The following LRP5 variants were observed in gnomAD, a reference collection of about 807,000 sequenced individuals.
LRP5 encodes the protein low-density lipoprotein receptor-related protein 5.
In LRP5, 62 loss-of-function variants were observed where a neutral mutation model predicts 154.1. That is an observed-to-expected ratio of 0.40 (90% CI 0.33 to 0.50). LRP5 has a LOEUF of 0.50. LRP5 is among the 20% of genes least tolerant of loss of function. LRP5 has a pLI of 0.55. For synonymous variants in LRP5, 966 were observed against 1,011.5 expected (o/e 0.96, Z 0.85); for missense variants, 1,915 against 2,336.7 (o/e 0.82, Z 3.72).
At chr11:68,428,150 A>T (rs1484081957) in intron 16 of LRP5, among the ~76,000 whole-genome samples, 2 of 151,256 alleles carry the variant, frequency 1.3e-5, no homozygotes, top group African/African-American at 2.4e-5. Context: ...CCACCACCAT[A>T]CCAGGCTAAT....
intron 11 of LRP5, among the ~76,000 whole-genome samples, chr11:68,412,151 G>T (rs1420430754): frequency 6.6e-6 from 1 of 152,128 alleles, no homozygotes; most frequent in Non-Finnish European, 1.5e-5. Context: ...TGAGGCTCAG[G>T]GAAGTTTGAA....
chr11:68,420,998 G>A (rs543666688), intron 13 of LRP5, among the ~76,000 whole-genome samples: 9 of 152,272 alleles, frequency 5.9e-5, no homozygotes, highest in South Asian at 2.1e-4. Context: ...AGGCCAGGGC[G>A]GGCGGATCAT....
intron 13 of LRP5, 83 bp downstream of exon 13, chr11:68,416,610 A>G: frequency 7.6e-7 from 1 of 1,315,020 alleles, no homozygotes; most frequent in East Asian, 2.4e-5. Context: ...CCCTGTCCTT[A>G]GCAGAGGGAG....
chr11:68,354,887 G>A (rs1221744788), intron 2 of LRP5, among the ~76,000 whole-genome samples: 1 of 152,234 alleles, frequency 6.6e-6, no homozygotes, highest in African/African-American at 2.4e-5. Context: ...ACTGTTTGGA[G>A]AGCTGTTCCA....
In LRP5 at chr11:68,386,695, A is replaced by G. The variant is rs200075657; in HGVS notation, c.1395A>G (p.Ala465=). 1.4e-5 allele frequency: 23 copies of G among 1,613,214 alleles called. No individual in the cohort carries two copies. In the African/African-American group the frequency reaches 2.7e-4, roughly 19 times the overall value. The change falls in exon 6 of 23, where the codon GCA becomes GCG. Residue 465 remains alanine, a synonymous_variant. Coordinates refer to ENST00000294304, the MANE Select transcript of LRP5 (RefSeq NM_002335.4). The surrounding 1 kb of genome is among the most constrained non-coding windows in gnomAD (Gnocchi z 7.9). ...SEDLDEPRAI[A]LHPVMGLMYW... ...ACCTGGACGAGCCCCGAGCCATCGC[A>G]CTGCACCCCGTGATGGGGTAAGACG...
At position 68,312,801 on chromosome 11, in the gene LRP5, C is replaced by A; in HGVS notation, c.87C>A (p.Ala29=). The A allele has an allele frequency of 9.3e-7, 1 of 1,075,976 alleles. No individual in the cohort carries two copies. Among genetic ancestry groups the A allele is most frequent in the South Asian group, 2.9e-5 (1 of 34,266 alleles). 66.7% of individuals were successfully genotyped at this position (1,075,976 alleles called of 1,614,324 possible). Residue 29 remains alanine, a synonymous_variant, in exon 1 of 23, where the codon GCC becomes GCA. Coordinates refer to ENST00000294304, the MANE Select transcript of LRP5 (RefSeq NM_002335.4). ...CGCTGTGCGGCTGCCCGGCCCCCGC[C>A]GCGGGTAGGTGGGCGCAGGCCGGCC... ...LLALCGCPAP[A]AASPLLLFAN...
At chr11:68,371,367 C>T (rs17149022) in intron 5 of LRP5, among the ~76,000 whole-genome samples, 24,009 of 152,140 alleles carry the variant, frequency 0.16, 6,087 homozygotes, top group African/African-American at 0.53. Context: ...AGCATTGAAG[C>T]TGGTGAGTCA....
rs749257270 is a variant in LRP5 at position 68,438,458 on chromosome 11, C to T, written c.4124C>T (p.Pro1375Leu). ...SDELMCEITK[P>L]PSDDSPAHSS... ...TTGTCTCTGGCAGAAATCACCAAGCCGCCCTCAGACGACAGCCCGGCCCAC... is the reference window on the plus strand; with the variant it reads ...TTGTCTCTGGCAGAAATCACCAAGCTGCCCTCAGACGACAGCCCGGCCCAC... Residue 1375 changes from proline to leucine, a missense_variant, in exon 20 of 23, where the codon CCG becomes CTG. Physicochemically the swap from Pro to Leu is moderately conservative, Grantham distance 98. Transcript: ENST00000294304. 9.3e-6 allele frequency: 15 copies of T among 1,614,006 alleles called. No homozygotes were observed. Among genetic ancestry groups the T allele is most frequent in the East Asian group, 4.5e-5 (2 of 44,900 alleles).
At chr11:68,318,347 C>CT (rs777922038) in intron 1 of LRP5, among the ~76,000 whole-genome samples, 7,025 of 127,726 alleles carry the variant, frequency 0.055, 542 homozygotes, top group African/African-American at 0.18. Context: ...ACCCGGCCTG[C>CT]TTTTTTTTTT....
At chr11:68,388,969 C>T (rs2098644551) in intron 6 of LRP5, among the ~76,000 whole-genome samples, 1 of 152,206 alleles carries the variant, frequency 6.6e-6, no homozygotes. Context: ...CCGACACCGA[C>T]ATTTACCGAC....
chr11:68,384,593 C>A (rs2098641976), intron 5 of LRP5, among the ~76,000 whole-genome samples: 1 of 152,178 alleles, frequency 6.6e-6, no homozygotes, highest in Non-Finnish European at 1.5e-5. Flanking sequence ...TATGGGGCAC[C>A]CTGGGGGCCC....
At chr11:68,432,857 G>T (rs929919816) in intron 17 of LRP5, among the ~76,000 whole-genome samples, 1 of 152,208 alleles carries the variant, frequency 6.6e-6, no homozygotes, top group East Asian at 1.9e-4. Context: ...GCTGCCGCAT[G>T]CCCAGCCCGC....
At chr11:68,351,183 C>T (rs1164201640) in intron 2 of LRP5, among the ~76,000 whole-genome samples, 1 of 152,148 alleles carries the variant, frequency 6.6e-6, no homozygotes, top group South Asian at 2.1e-4. Context: ...CTCGTGCCCC[C>T]ACTACCTGAG....
At chr11:68,325,649 T>C (rs1263898114) in intron 1 of LRP5, among the ~76,000 whole-genome samples, 1 of 152,186 alleles carries the variant, frequency 6.6e-6, no homozygotes, top group East Asian at 1.9e-4. Context: ...GAGCTGCAGG[T>C]GCAGGGTCGG....
rs1008957697 is a variant in LRP5, at chr11:68,365,580, G to A, written c.893G>A (p.Arg298His). 4 of 1,613,918 alleles carry A rather than the reference G, an allele frequency of 2.5e-6. No homozygotes were observed. The highest frequency in any genetic ancestry group is 1.7e-5 in the Admixed American group (1 of 59,986). ...GTCCTGGTTTTCTCAGTCCACACTCGCTGTGAGGAGGACAATGGCGGCTGC... is the reference window on the plus strand; with the variant it reads ...GTCCTGGTTTTCTCAGTCCACACTCACTGTGAGGAGGACAATGGCGGCTGC... ...SQERQPFFHT[R>H]CEEDNGGCSH... Residue 298 changes from arginine (R) to histidine (H), a missense_variant, in exon 5 of 23, where the codon CGC (arginine) becomes CAC (histidine). Coordinates refer to ENST00000294304, the MANE Select transcript of LRP5 (RefSeq NM_002335.4).
intron 11 of LRP5, among the ~76,000 whole-genome samples, chr11:68,412,587 G>A (rs1185456007): frequency 6.6e-6 from 1 of 151,844 alleles, no homozygotes; most frequent in African/African-American, 2.4e-5. Flanking sequence ...TGAGGTTGTG[G>A]TGAGCTGTGA....
At position 68,348,166 on chromosome 11, in the gene LRP5, C is replaced by T. The variant is rs758149177; in HGVS notation, c.411C>T (p.Leu137=). The change falls in exon 2 of 23, where the codon CTC becomes CTT. Residue 137 remains leucine (L), a synonymous_variant. Transcript: ENST00000294304. The part of the protein sequence containing the change: ...SETNRIEVAN[L]NGTSRKVLFW... Reference sequence around the variant, plus strand: ...CCAACCGCATCGAGGTGGCCAACCTCAATGGCACATCCCGGAAGGTGCTCT... The same window carrying T: ...CCAACCGCATCGAGGTGGCCAACCTTAATGGCACATCCCGGAAGGTGCTCT... 3.1e-6 allele frequency: 5 copies of T among 1,613,684 alleles called. No individual in the cohort carries two copies. Among genetic ancestry groups the T allele is most frequent in the Non-Finnish European group, 4.2e-6 (5 of 1,180,044 alleles).
chr11:68,425,799 C>T lies in LRP5; in HGVS notation c.3428-179C>T, dbSNP rs116934080. On this transcript the variant is annotated intron_variant, in intron 15 of 22. Coordinates refer to ENST00000294304, the MANE Select transcript of LRP5 (RefSeq NM_002335.4). ...CAGCCCAGGTGGGAGCAGGGCTTTC[C>T]GAGGGCTTGTCTTGGGTCGGCCTGC... is the stretch of plus-strand genomic sequence containing the variant. Among the ~76,000 whole-genome samples the T allele has an allele frequency of 7.2e-3, 1,100 of 152,216 alleles. 7 individuals are homozygous for T. The highest frequency in any genetic ancestry group is 0.011 in the Non-Finnish European group (753 of 68,002).
In LRP5 at chr11:68,449,034, C is replaced by A; in HGVS notation, c.4812C>A (p.Phe1604Leu). 6.3e-7 allele frequency: 1 copy of A among 1,583,430 alleles called. No individual in the cohort carries two copies. Among genetic ancestry groups the A allele is most frequent in the Non-Finnish European group, 8.6e-7 (1 of 1,167,778 alleles). Residue 1604 changes from phenylalanine to leucine, a missense_variant, in exon 23 of 23, where the codon TTC (phenylalanine) becomes TTA (leucine). Coordinates refer to ENST00000294304, the MANE Select transcript of LRP5 (RefSeq NM_002335.4). Reference protein sequence around the residue: ...PATERSYFHLFPPPPSPCTDS... With the variant: ...PATERSYFHLLPPPPSPCTDS... Reference sequence around the variant, plus strand: ...CCGAGAGGAGCTACTTCCATCTCTTCCCGCCCCCTCCGTCCCCCTGCACGG... The same window carrying A: ...CCGAGAGGAGCTACTTCCATCTCTTACCGCCCCCTCCGTCCCCCTGCACGG...
Sources: gnomAD v4.1 joint callset for allele counts (sites outside exome capture counted in the v4.1 genomes callset) on GRCh38, gnomAD v4.1.1 for gene constraint, Gnocchi (gnomAD v3.1) non-coding constraint, MANE v1.5 for transcripts, NCBI Gene and HGNC (gene_info 2026-07-23, HGNC 2026-07-21) for gene names.